The following LRP12 variants were observed in gnomAD, a reference collection of about 807,000 sequenced individuals.
LRP12 encodes the protein LDL receptor related protein 12, also known as low-density lipoprotein receptor-related protein 12.
A neutral mutation model predicts 66.0 loss-of-function variants in LRP12; 14 were observed. The ratio of observed to expected loss-of-function variants is 0.21; its 90% CI spans 0.14 to 0.33. The LOEUF (loss-of-function observed/expected upper bound fraction) is 0.33, where lower values mean the gene tolerates loss of function less well. LRP12 is among the 10% of genes least tolerant of loss of function. The probability of loss-of-function intolerance (pLI) is 1.00; values close to 1 mark genes in which losing one functional copy is unlikely to be tolerated. For synonymous variants in LRP12, 357 were observed against 359.1 expected, an observed-to-expected ratio of 0.99 and a Z score of 0.07; for missense variants, 889 against 1,053.4, an observed-to-expected ratio of 0.84 and a Z score of 2.16.
intron 1 of LRP12, among the ~76,000 whole-genome samples, chr8:104,551,053 C>T (rs193021495): frequency 3.9e-4 from 59 of 152,260 alleles, no homozygotes; most frequent in African/African-American, 1.3e-3. Flanking sequence ...ATCTCTCCAT[C>T]CCTTAAATTT....
At chr8:104,505,839 C>G (rs1013646188) in intron 3 of LRP12, 1 of 151,976 alleles carries the variant, frequency 6.6e-6, no homozygotes, top group Non-Finnish European at 1.5e-5. Context: ...TAACAAAGTC[C>G]AAGTAAGAAT....
intron 3 of LRP12, among the ~76,000 whole-genome samples, chr8:104,500,693 A>G (rs1810814851): frequency 6.6e-6 from 1 of 152,184 alleles, no homozygotes; most frequent in Non-Finnish European, 1.5e-5. Context: ...ACAGAGTGAG[A>G]CTCCGTCTCA....
intron 1 of LRP12, among the ~76,000 whole-genome samples, chr8:104,557,906 C>A (rs949311556): frequency 6.6e-6 from 1 of 152,132 alleles, no homozygotes; most frequent in African/African-American, 2.4e-5. Flanking sequence ...CAGCATGGTA[C>A]TGATATAAAA....
chr8:104,533,266 T>C (rs922304963), intron 1 of LRP12, among the ~76,000 whole-genome samples: 4 of 152,200 alleles, frequency 2.6e-5, no homozygotes, highest in Middle Eastern at 3.4e-3. Context: ...ACATACAGAA[T>C]TGAAATGACC....
intron 5 of LRP12, chr8:104,496,254 A>G (rs1211071961): frequency 6.6e-6 from 1 of 152,200 alleles, no homozygotes; most frequent in African/African-American, 2.4e-5. Context: ...TTGTGTTCCA[A>G]TCGTATCTCC....
intron 2 of LRP12, among the ~76,000 whole-genome samples, chr8:104,520,670 T>C (rs1017071364): frequency 3.9e-5 from 6 of 152,052 alleles, no homozygotes; most frequent in African/African-American, 7.2e-5. Context: ...TTTCTATTAC[T>C]GCAGTTTAAT....
intron 2 of LRP12, among the ~76,000 whole-genome samples, chr8:104,520,969 C>T (rs748490057): frequency 2.0e-5 from 3 of 152,054 alleles, no homozygotes; most frequent in Non-Finnish European, 4.4e-5. Flanking sequence ...AGATGAACTT[C>T]ACTTCTACCA....
intron 1 of LRP12, among the ~76,000 whole-genome samples, chr8:104,547,605 TTAATATA>T (rs1211688528): frequency 8.2e-6 from 1 of 121,304 alleles, no homozygotes; most frequent in Non-Finnish European, 1.6e-5. Flanking sequence ...ATAATAATTA[TTAATATA>T]TAATATATTA....
At chr8:104,544,644 A>G (rs1811529186) in intron 1 of LRP12, among the ~76,000 whole-genome samples, 1 of 152,164 alleles carries the variant, frequency 6.6e-6, no homozygotes, top group South Asian at 2.1e-4. Flanking sequence ...CTCTGCTTGA[A>G]CAAAGCCTGG....
chr8:104,562,221 T>C (rs1811922020), intron 1 of LRP12, among the ~76,000 whole-genome samples: 1 of 152,168 alleles, frequency 6.6e-6, no homozygotes, highest in African/African-American at 2.4e-5. Context: ...TTCATACATA[T>C]GTAAAGCATT....
Position 104,508,116 on chromosome 8 carries a change from GAC to G in LRP12, c.272+821_272+822del, listed in dbSNP as rs942367140. On this transcript the variant is annotated intron_variant, in intron 3 of 6. Coordinates refer to ENST00000276654, the MANE Select transcript of LRP12 (RefSeq NM_013437.5). The stretch of plus-strand genomic sequence containing the variant: ...GCTACACTGTCTCTGTGATGGAAAT[GAC>G]ATTCTTATTTGTGTTTTGTTCCAAC... The G allele has an allele frequency of 3.9e-5, 6 of 152,232 alleles. No homozygotes were observed. In the East Asian group the frequency reaches 1.2e-3, roughly 29 times the overall value. 9.4% of individuals were successfully genotyped at this position (152,232 alleles called of 1,614,324 possible).
intron 1 of LRP12, among the ~76,000 whole-genome samples, chr8:104,546,276 A>C (rs1037422580): frequency 6.6e-5 from 10 of 152,152 alleles, no homozygotes. Flanking sequence ...ATATGCAAAA[A>C]ATCCATCAAC....
intron 1 of LRP12, among the ~76,000 whole-genome samples, chr8:104,586,227 T>C (rs1812329421): frequency 6.6e-6 from 1 of 152,222 alleles, no homozygotes. Context: ...GAAAAGTTAA[T>C]TTGGAAGTAC....
chr8:104,523,447 A>G (rs1811179911), intron 2 of LRP12, among the ~76,000 whole-genome samples: 1 of 152,198 alleles, frequency 6.6e-6, no homozygotes, highest in Non-Finnish European at 1.5e-5. Flanking sequence ...ATAACTGAAT[A>G]AAATTAATTA....
chr8:104,502,575 G>A (rs914313868), intron 3 of LRP12, among the ~76,000 whole-genome samples: 7 of 152,094 alleles, frequency 4.6e-5, no homozygotes, highest in African/African-American at 1.2e-4. Flanking sequence ...GTCACTCCAC[G>A]TTGCACAGAC....
In LRP12 at chr8:104,580,358, T is replaced by TAA. The variant is rs774764260; in HGVS notation, c.79+8459_79+8460dup. Among the ~76,000 whole-genome samples, 267 of 92,132 alleles carry TAA rather than the reference T, an allele frequency of 2.9e-3. 1 individual carries two copies. Among genetic ancestry groups the TAA allele is most frequent in the Middle Eastern group, 0.014 (2 of 148 alleles). The allele number at this position is 92,132 out of a possible 152,430, so 60.4% of individuals were successfully genotyped here. On this transcript the variant is annotated intron_variant, in intron 1 of 6. Coordinates refer to ENST00000276654, the MANE Select transcript of LRP12 (RefSeq NM_013437.5). ...AGTGAAACCCTGTCTCTACTAAAAA[T>TAA]AAAAAAAAAAAAAAAAAAAAAATTA...
At chr8:104,569,372 T>C (rs1417935551) in intron 1 of LRP12, among the ~76,000 whole-genome samples, 3 of 152,238 alleles carry the variant, frequency 2.0e-5, no homozygotes, top group African/African-American at 7.2e-5. Context: ...TTTGTGAATA[T>C]GCTAAACACT....
intron 1 of LRP12, among the ~76,000 whole-genome samples, chr8:104,580,602 A>G (rs1812235712): frequency 2.0e-5 from 3 of 152,144 alleles, no homozygotes; most frequent in African/African-American, 2.4e-5. Flanking sequence ...TTTACAAGAA[A>G]AAAACCCATT....
intron 4 of LRP12, among the ~76,000 whole-genome samples, chr8:104,498,929 T>C (rs543928887): frequency 1.3e-5 from 2 of 152,332 alleles, no homozygotes; most frequent in South Asian, 2.1e-4. Flanking sequence ...TCTGAGACTA[T>C]AAACTATGAA....
Sources: allele counts gnomAD v4.1 joint callset (sites outside exome capture counted in the v4.1 genomes callset), GRCh38; gene constraint gnomAD v4.1.1; transcripts MANE v1.5; gene names NCBI Gene and HGNC (gene_info 2026-07-23, HGNC 2026-07-21).